The following MRTFB variants were observed in gnomAD, a reference collection of about 807,000 sequenced individuals.
MRTFB encodes the protein myocardin related transcription factor B.
MRTFB carries 29 observed loss-of-function variants against 104.2 expected under a neutral mutation model. The ratio of observed to expected loss-of-function variants is 0.28; its 90% CI spans 0.21 to 0.38. The LOEUF is 0.38. Ranked by LOEUF, MRTFB falls within the 10% of genes least tolerant of loss-of-function variation. MRTFB has a pLI of 1.00. For synonymous variants in MRTFB, 535 were observed against 519.5 expected (o/e 1.03, Z -0.41); for missense variants, 1,270 against 1,341.6 (o/e 0.95, Z 0.83).
chr16:14,224,395 T>C (rs1376380091), intron 8 of MRTFB, among the ~76,000 whole-genome samples: 1 of 152,222 alleles, frequency 6.6e-6, no homozygotes, highest in Non-Finnish European at 1.5e-5. Context: ...TTTTACTACA[T>C]TTACAGTGTA....
At chr16:14,101,261 G>A (rs59834223) in intron 2 of MRTFB, among the ~76,000 whole-genome samples, 16,518 of 151,500 alleles carry the variant, frequency 0.11, 1,213 homozygotes, top group Non-Finnish European at 0.16. Context: ...ACAAAGTTAA[G>A]ATATATAGCC....
chr16:14,212,385 G>A lies in MRTFB; in HGVS notation c.252G>A (p.Gln84=), dbSNP rs746135041. Residue 84 remains glutamine, a synonymous_variant, in exon 5 of 17, where the codon CAG becomes CAA. Coordinates refer to ENST00000571589, the MANE Select transcript of MRTFB (RefSeq NM_001308142.2). Reference sequence around the variant, plus strand: ...AGAGCCCAGCGGCATTCCATGAACAGATAAAAAGCTTGGAACGAGCCAGAG... The same window carrying A: ...AGAGCCCAGCGGCATTCCATGAACAAATAAAAAGCTTGGAACGAGCCAGAG... ...PLKSPAAFHE[Q]IKSLERARTE... is the part of the protein sequence containing the mutation. 1.9e-6 allele frequency: 3 copies of A among 1,613,824 alleles called. No individual in the cohort carries two copies. The highest frequency in any genetic ancestry group is 4.5e-5 in the East Asian group (2 of 44,870).
chr16:14,079,445 A>G (rs549671200), intron 2 of MRTFB, 91 bp downstream of exon 2: 9 of 314,220 alleles, frequency 2.9e-5, no homozygotes, highest in African/African-American at 1.9e-4. Context: ...TTGAGGTCTA[A>G]CAGGGAGATT....
the MRTFB span, among the ~76,000 whole-genome samples, chr16:14,044,114 A>G: frequency 1.3e-5 from 2 of 152,238 alleles, no homozygotes; most frequent in Non-Finnish European, 2.9e-5. Flanking sequence ...AGACTCCCGT[A>G]GTCCCTAGTA....
intron 2 of MRTFB, among the ~76,000 whole-genome samples, chr16:14,081,202 G>A (rs76693054): frequency 6.6e-6 from 1 of 152,010 alleles, no homozygotes. Context: ...TCCAACAGGA[G>A]TGAGGTGATA....
the MRTFB span, among the ~76,000 whole-genome samples, chr16:14,033,053 G>T: frequency 2.0e-4 from 31 of 152,020 alleles, 1 homozygote; most frequent in African/African-American, 6.3e-4. Flanking sequence ...ATCAGAGAAG[G>T]TTATTAGAAA....
chr16:14,178,971 G>A (rs551229134), intron 3 of MRTFB, among the ~76,000 whole-genome samples: 107 of 152,136 alleles, frequency 7.0e-4, no homozygotes, highest in South Asian at 3.1e-3. Flanking sequence ...TTGAACTCCC[G>A]AATTCAAGAA....
At chr16:14,234,397 C>A in intron 9 of MRTFB, 114 bp downstream of exon 9, 1 of 1,278,020 alleles carries the variant, frequency 7.8e-7, no homozygotes, top group Non-Finnish European at 1.1e-6. Flanking sequence ...CCTTTTAGCC[C>A]AAAGTCTTAA....
chr16:14,122,565 G>T (rs2036906040), intron 2 of MRTFB, among the ~76,000 whole-genome samples: 1 of 152,182 alleles, frequency 6.6e-6, no homozygotes, highest in African/African-American at 2.4e-5. Flanking sequence ...TTAGTTTGCT[G>T]AGAGTGATGG....
At chr16:14,202,787 A>G (rs1414574672) in intron 3 of MRTFB, among the ~76,000 whole-genome samples, 5 of 152,210 alleles carry the variant, frequency 3.3e-5, no homozygotes, top group African/African-American at 1.2e-4. Flanking sequence ...ACATTTGGCC[A>G]CCACACTGCT....
chr16:14,162,598 A>C (rs1045866623), intron 3 of MRTFB, among the ~76,000 whole-genome samples: 32 of 152,312 alleles, frequency 2.1e-4, no homozygotes, highest in African/African-American at 7.7e-4. Context: ...ATCTTACGAA[A>C]ATAAGATTGG....
At chr16:14,127,051 CAA>C (rs2037147657) in intron 2 of MRTFB, among the ~76,000 whole-genome samples, 1 of 152,130 alleles carries the variant, frequency 6.6e-6, no homozygotes, top group African/African-American at 2.4e-5. Flanking sequence ...ACTCATTTTT[CAA>C]AGAGGCTTAG....
intron 2 of MRTFB, among the ~76,000 whole-genome samples, chr16:14,114,165 A>G (rs915457424): frequency 3.5e-4 from 54 of 152,338 alleles, no homozygotes; most frequent in African/African-American, 1.2e-3. Flanking sequence ...TGTCTTCCCA[A>G]TTGACATCTG....
At chr16:14,034,342 G>T in the MRTFB span, among the ~76,000 whole-genome samples, 1 of 152,290 alleles carries the variant, frequency 6.6e-6, no homozygotes, top group Non-Finnish European at 1.5e-5. Context: ...GGCCAGGCAT[G>T]GTGGCTCACC....
intron 3 of MRTFB, chr16:14,143,526 T>A (rs1004758810): frequency 2.0e-5 from 3 of 149,418 alleles, no homozygotes; most frequent in African/African-American, 5.0e-5. Flanking sequence ...TTTTTTTTTT[T>A]ATACTTTAAG....
the MRTFB span, among the ~76,000 whole-genome samples, chr16:14,025,298 A>C: frequency 6.6e-6 from 1 of 152,194 alleles, no homozygotes; most frequent in Non-Finnish European, 1.5e-5. Context: ...CTCCCATCTT[A>C]GCCTCCCAAG....
rs762772854 is a variant in MRTFB, at chr16:14,261,269, C to T, written c.3125C>T (p.Ala1042Val). ...GAGACTTCCGAGACCCAGTTTGCTG[C>T]AGGTACTCCCTGTCTGTCTCTCGAC... ...PMETSETQFA[A>V]GTPCLSLDLS... Residue 1042 changes from alanine (A) to valine (V), a missense_variant, in exon 17 of 17, where the codon GCA becomes GTA. Transcript: ENST00000571589. The T allele has an allele frequency of 1.2e-6, 2 of 1,614,176 alleles. No individual in the cohort carries two copies. The highest frequency in any genetic ancestry group is 1.7e-6 in the Non-Finnish European group (2 of 1,180,026).
intron 13 of MRTFB, among the ~76,000 whole-genome samples, chr16:14,249,479 T>G (rs991083648): frequency 3.9e-5 from 6 of 152,228 alleles, no homozygotes; most frequent in African/African-American, 9.6e-5. Flanking sequence ...TCCCAAAATG[T>G]TTATGCTGAG....
At position 14,265,780 on chromosome 16, in the gene MRTFB, C is replaced by G. The variant is rs2043927726; in HGVS notation, c.*4336C>G. 6.6e-6 allele frequency: 1 copy of G among 152,200 alleles called. No homozygotes were observed. The highest frequency in any genetic ancestry group is 1.5e-5 in the Non-Finnish European group (1 of 68,042). 9.4% of individuals were successfully genotyped at this position (152,200 alleles called of 1,614,324 possible). On this transcript the variant is annotated 3_prime_UTR_variant, in exon 17 of 17. Coordinates refer to ENST00000571589, the MANE Select transcript of MRTFB (RefSeq NM_001308142.2). ...ATGCAAACACTTTGCTCTGTGGTGTCACAGCTTTGTGACAATAAGATGGCA... is the reference window on the plus strand; with the variant it reads ...ATGCAAACACTTTGCTCTGTGGTGTGACAGCTTTGTGACAATAAGATGGCA...
Sources: allele counts gnomAD v4.1 joint callset (sites outside exome capture counted in the v4.1 genomes callset), GRCh38; gene constraint gnomAD v4.1.1; transcripts MANE v1.5; gene names NCBI Gene and HGNC (gene_info 2026-07-23, HGNC 2026-07-21).